SCLT1: variants seen among roughly 807,000 people sequenced by gnomAD.
SCLT1 encodes sodium channel-associated protein 1.
In SCLT1, 78 loss-of-function variants were observed where a neutral mutation model predicts 112.8. The ratio of observed to expected loss-of-function variants is 0.69; its 90% confidence interval spans 0.58 to 0.83. The LOEUF (loss-of-function observed/expected upper bound fraction) is 0.83. Among genes scored for constraint, SCLT1 ranks in the 40% least tolerant of loss-of-function variants. The pLI is 0.00. For missense variants in SCLT1, 747 were observed against 770.4 expected (o/e 0.97, Z 0.36); for synonymous variants, 257 against 254.7 (o/e 1.01, Z -0.09).
intron 2 of SCLT1, among the ~76,000 whole-genome samples, chr4:129,080,996 C>T (rs916368684): frequency 3.9e-5 from 6 of 152,178 alleles, no homozygotes; most frequent in South Asian, 2.1e-4. Flanking sequence ...GTTTATGCCC[C>T]GAGAGCATAA....
chr4:129,074,198 T>C (rs1304218243), intron 2 of SCLT1, among the ~76,000 whole-genome samples: 2 of 152,162 alleles, frequency 1.3e-5, no homozygotes, highest in African/African-American at 4.8e-5. Flanking sequence ...TACAATATGG[T>C]CATTTTATTT....
rs953291769 is a variant in SCLT1 at position 129,025,472 on chromosome 4, T to C, written c.290+13569A>G. Among the ~76,000 whole-genome samples the C allele has an allele frequency of 3.0e-3, 453 of 152,168 alleles. 3 individuals carry two copies. The highest frequency in any genetic ancestry group is 9.7e-3 in the African/African-American group (404 of 41,502). On this transcript the variant is annotated intron_variant, in intron 5 of 20. Coordinates refer to ENST00000281142, the MANE Select transcript of SCLT1 (RefSeq NM_144643.4). Reference sequence around the variant, plus strand: ...CTAAGCTTCATAAGTGAAGGAGAAATAAAATCCTTTACAGAAAAGCAAATG... The same window carrying C: ...CTAAGCTTCATAAGTGAAGGAGAAACAAAATCCTTTACAGAAAAGCAAATG...
At chr4:129,085,208 T>C (rs896615961) in intron 1 of SCLT1, among the ~76,000 whole-genome samples, 3 of 152,072 alleles carry the variant, frequency 2.0e-5, no homozygotes, top group Non-Finnish European at 4.4e-5. Flanking sequence ...GCAAAGCTCA[T>C]GAACAGACAC....
intron 9 of SCLT1, among the ~76,000 whole-genome samples, chr4:128,988,709 C>T (rs1742310694): frequency 6.6e-6 from 1 of 151,680 alleles, no homozygotes; most frequent in Non-Finnish European, 1.5e-5. Flanking sequence ...AAAAATAAGA[C>T]CTAATCATAT....
intron 4 of SCLT1, chr4:129,039,944 T>C: frequency 2.2e-6 from 1 of 450,248 alleles, no homozygotes; most frequent in Non-Finnish European, 4.1e-6. Context: ...AACCCTGAAT[T>C]TACATGTAAA....
At chr4:129,024,009 G>A (rs1745758969) in intron 5 of SCLT1, among the ~76,000 whole-genome samples, 1 of 152,214 alleles carries the variant, frequency 6.6e-6, no homozygotes, top group African/African-American at 2.4e-5. Context: ...CATTGCCCAG[G>A]CTTGCTTAGG....
intron 17 of SCLT1, among the ~76,000 whole-genome samples, chr4:128,939,577 C>T (rs550074598): frequency 4.6e-5 from 7 of 152,148 alleles, no homozygotes; most frequent in African/African-American, 1.7e-4. Context: ...GAAATATCCA[C>T]ACAAGTAGAT....
chr4:128,920,610 T>A (rs1023989143), intron 18 of SCLT1, among the ~76,000 whole-genome samples: 3 of 152,280 alleles, frequency 2.0e-5, no homozygotes, highest in African/African-American at 7.2e-5. Flanking sequence ...TAAAATTCAA[T>A]ATCCCCTCAT....
chr4:129,078,392 AT>A (rs1404036061), intron 2 of SCLT1, among the ~76,000 whole-genome samples: 3 of 151,634 alleles, frequency 2.0e-5, no homozygotes, highest in East Asian at 1.9e-4. Flanking sequence ...TAAAATAAAA[AT>A]TTTTTTTTAC....
intron 10 of SCLT1, among the ~76,000 whole-genome samples, chr4:128,969,847 A>G (rs72683684): frequency 0.27 from 41,225 of 152,080 alleles, 5,995 homozygotes; most frequent in South Asian, 0.35. Context: ...TACCATTATT[A>G]GAAATCTATA....
intron 9 of SCLT1, among the ~76,000 whole-genome samples, chr4:128,980,487 C>T (rs943485206): frequency 3.3e-5 from 5 of 152,158 alleles, no homozygotes; most frequent in Non-Finnish European, 1.5e-5. Context: ...TAGAGCAATA[C>T]TAAGAATTGC....
intron 17 of SCLT1, among the ~76,000 whole-genome samples, chr4:128,939,119 T>C (rs1257317845): frequency 6.6e-6 from 1 of 152,218 alleles, no homozygotes; most frequent in African/African-American, 2.4e-5. Context: ...AAGCTTTGCT[T>C]TAAGACCCTT....
intron 2 of SCLT1, among the ~76,000 whole-genome samples, chr4:129,051,183 G>C (rs1012835134): frequency 2.6e-5 from 4 of 152,064 alleles, no homozygotes; most frequent in Non-Finnish European, 5.9e-5. Context: ...TGTTCTTTTT[G>C]CTTAGGATTG....
chr4:128,931,107 G>T (rs549691880), intron 18 of SCLT1, among the ~76,000 whole-genome samples: 5 of 152,002 alleles, frequency 3.3e-5, no homozygotes, highest in African/African-American at 1.2e-4. Context: ...ATAAGGGAAG[G>T]AAGGACTGAG....
Position 129,081,414 on chromosome 4 carries a change from C to G in SCLT1, c.102+892G>C, listed in dbSNP as rs141294844. ...GTAACTCCTTTGTCTCCGCTGGACT[C>G]GGGGTACCTGCCAGGTGGTGTGGGG... On this transcript the variant is annotated intron_variant, in intron 2 of 20. Transcript: ENST00000281142. Among the ~76,000 whole-genome samples the G allele has an allele frequency of 1.9e-3, 294 of 152,300 alleles. 2 individuals are homozygous for G. Among genetic ancestry groups the G allele is most frequent in the African/African-American group, 6.6e-3 (276 of 41,560 alleles).
chr4:128,970,284 G>A, intron 10 of SCLT1, 94 bp downstream of exon 10: 1 of 713,768 alleles, frequency 1.4e-6, no homozygotes, highest in South Asian at 1.6e-5. Flanking sequence ...TTCATCTTCT[G>A]ACAACCCTCT....
At chr4:128,918,825 CAA>C (rs1735665426) in intron 18 of SCLT1, among the ~76,000 whole-genome samples, 1 of 152,066 alleles carries the variant, frequency 6.6e-6, no homozygotes, top group Non-Finnish European at 1.5e-5. Flanking sequence ...TCAAAAAAGA[CAA>C]AGAATAACAT....
intron 18 of SCLT1, among the ~76,000 whole-genome samples, chr4:128,934,184 G>A (rs11098993): frequency 6.6e-6 from 1 of 151,636 alleles, no homozygotes; most frequent in Non-Finnish European, 1.5e-5. Context: ...ATTCTGTCCC[G>A]CTCTCTCCTC....
intron 2 of SCLT1, among the ~76,000 whole-genome samples, chr4:129,055,486 G>C (rs1467680244): frequency 6.6e-6 from 1 of 152,166 alleles, no homozygotes; most frequent in Non-Finnish European, 1.5e-5. Context: ...CTATGAACAT[G>C]AATCTAGAGA....
Sources: allele counts gnomAD v4.1 joint callset (sites outside exome capture counted in the v4.1 genomes callset), GRCh38; gene constraint gnomAD v4.1.1; transcripts MANE v1.5; gene names NCBI Gene and HGNC (gene_info 2026-07-23, HGNC 2026-07-21).